Variants in CNTLN observed in about 807,000 individuals in gnomAD.
CNTLN encodes centlein, centrosomal protein.
In CNTLN, 212 loss-of-function variants were observed where a neutral mutation model predicts 180.0. That is an observed-to-expected ratio of 1.18 (90% CI 1.05 to 1.32). The LOEUF (loss-of-function observed/expected upper bound fraction) is 1.32, where lower values mean the gene tolerates loss of function less well. CNTLN is among the 40% of genes most tolerant of loss of function. The pLI, the probability that CNTLN is intolerant of heterozygous loss-of-function variation, is 0.00. For missense variants in CNTLN, 2,095 were observed against 1,610.9 expected (o/e 1.30, Z -5.14); for synonymous variants, 722 against 563.1 (o/e 1.28, Z -3.99).
chr9:17,367,177 G>A (rs1229592380), intron 13 of CNTLN, among the ~76,000 whole-genome samples: 3 of 152,190 alleles, frequency 2.0e-5, no homozygotes, highest in Non-Finnish European at 2.9e-5. Context: ...AGAGAGAATT[G>A]TGCACTTAGG....
intron 23 of CNTLN, among the ~76,000 whole-genome samples, chr9:17,474,289 T>C (rs988030825): frequency 6.6e-6 from 1 of 152,202 alleles, no homozygotes; most frequent in Non-Finnish European, 1.5e-5. Flanking sequence ...TTATTTTGCT[T>C]CTCCTAGCTT....
At chr9:17,355,791 G>A (rs543707331) in intron 12 of CNTLN, among the ~76,000 whole-genome samples, 2 of 152,108 alleles carry the variant, frequency 1.3e-5, no homozygotes, top group African/African-American at 4.8e-5. Context: ...CAGGCTGGGC[G>A]CAGTGGCTCA....
the CNTLN span, among the ~76,000 whole-genome samples, chr9:17,517,781 T>A: frequency 1.3e-5 from 2 of 152,120 alleles, no homozygotes; most frequent in African/African-American, 4.8e-5. Flanking sequence ...TTTCTGTTGC[T>A]TTAAGTCATT....
chr9:17,486,986 C>A lies in CNTLN; in HGVS notation c.4042-3C>A. ...CACCAGTGTTTTTATTTTTTTTCTT[C>A]AGGAAATTGAAAAAACAAAAATTGA... On this transcript the variant is annotated splice_polypyrimidine_tract_variant and splice_region_variant and intron_variant, in intron 24 of 25. Transcript: ENST00000380647. The A allele has an allele frequency of 6.5e-7, 1 of 1,544,380 alleles. No homozygotes were observed. The highest frequency in any genetic ancestry group is 8.8e-7 in the Non-Finnish European group (1 of 1,139,890).
At position 17,340,833 on chromosome 9, in the gene CNTLN, G is replaced by A; in HGVS notation, c.1651G>A (p.Glu551Lys). The A allele has an allele frequency of 6.2e-7, 1 of 1,609,646 alleles. No individual in the cohort carries two copies. Among genetic ancestry groups the A allele is most frequent in the African/African-American group, 1.3e-5 (1 of 74,792 alleles). ...GCTTTTTTGTGTTCTACAGAGCCAA[G>A]AAAATGATGAGCTAAGAGATGCCCA... ...LEKALQLKSQENDELRDAHEK... is the reference protein window; with the variant it reads ...LEKALQLKSQKNDELRDAHEK... The change falls in exon 11 of 26, where the codon GAA becomes AAA. Residue 551 changes from glutamate to lysine, a missense_variant. Glu to Lys is a moderately conservative substitution (Grantham distance 56). Coordinates refer to ENST00000380647, the MANE Select transcript of CNTLN (RefSeq NM_017738.4).
At chr9:17,425,612 G>A (rs541765637) in intron 18 of CNTLN, among the ~76,000 whole-genome samples, 22 of 152,182 alleles carry the variant, frequency 1.4e-4, no homozygotes, top group Admixed American at 2.6e-4. Context: ...TTGGGTAATA[G>A]CTAGAAGATT....
At chr9:17,492,199 G>T (rs1833202626) in intron 25 of CNTLN, among the ~76,000 whole-genome samples, 1 of 151,718 alleles carries the variant, frequency 6.6e-6, no homozygotes, top group East Asian at 1.9e-4. Context: ...ACAGTTAAAA[G>T]GATCCTTTTA....
intron 1 of CNTLN, among the ~76,000 whole-genome samples, chr9:17,141,132 A>G (rs1327633932): frequency 6.6e-6 from 1 of 152,218 alleles, no homozygotes; most frequent in Non-Finnish European, 1.5e-5. Context: ...TAGTCATATA[A>G]CCCATAAGGC....
intron 2 of CNTLN, among the ~76,000 whole-genome samples, chr9:17,198,418 T>A (rs1406480819): frequency 6.7e-6 from 1 of 148,634 alleles, no homozygotes; most frequent in African/African-American, 2.5e-5. Context: ...TTTTCTTCAG[T>A]TTCTTTAATC....
At chr9:17,391,020 A>G (rs996393061) in intron 14 of CNTLN, among the ~76,000 whole-genome samples, 2 of 152,218 alleles carry the variant, frequency 1.3e-5, no homozygotes, top group East Asian at 1.9e-4. Context: ...CGAGAAATAC[A>G]TAACATTTAT....
At chr9:17,316,404 A>G (rs192656589) in intron 8 of CNTLN, among the ~76,000 whole-genome samples, 2 of 152,178 alleles carry the variant, frequency 1.3e-5, no homozygotes, top group Non-Finnish European at 2.9e-5. Context: ...AATTCCACCT[A>G]TAATTTGAGG....
At chr9:17,354,959 G>A (rs1226194741) in intron 12 of CNTLN, among the ~76,000 whole-genome samples, 2 of 151,728 alleles carry the variant, frequency 1.3e-5, no homozygotes, top group Admixed American at 6.6e-5. Context: ...CTCCAGACAC[G>A]CTGTGTTGAG....
chr9:17,364,438 A>C (rs1210143780), intron 12 of CNTLN, among the ~76,000 whole-genome samples: 1 of 151,504 alleles, frequency 6.6e-6, no homozygotes, highest in Non-Finnish European at 1.5e-5. Flanking sequence ...TCATTGCTTT[A>C]TTTCATATTT....
At chr9:17,251,163 A>C (rs1587339358) in intron 5 of CNTLN, among the ~76,000 whole-genome samples, 1 of 152,108 alleles carries the variant, frequency 6.6e-6, no homozygotes, top group Middle Eastern at 3.4e-3. Context: ...CTTTCTTGCT[A>C]CTTTGAAGAT....
rs12348556 is a variant in CNTLN at position 17,443,484 on chromosome 9, G to T, written c.3115-14040G>T. On this transcript the variant is annotated intron_variant, in intron 18 of 25. Coordinates refer to ENST00000380647, the MANE Select transcript of CNTLN (RefSeq NM_017738.4). ...AAATGTGAAATAGTGTCTTTAAATT[G>T]CTATATGGTTGAGGAGTCTATATGT... Among the ~76,000 whole-genome samples, 1,242 of 152,194 alleles carry T rather than the reference G, an allele frequency of 8.2e-3. 13 individuals carry two copies. The highest frequency in any genetic ancestry group is 0.027 in the African/African-American group (1,141 of 41,536).
In CNTLN at chr9:17,212,230, C is replaced by T. The variant is rs1823374118; in HGVS notation, c.450-13973C>T. On this transcript the variant is annotated intron_variant, in intron 2 of 25. Transcript: ENST00000380647. ...TCTTATTATTTTGAGATACGTCCCA[C>T]CAATACCTAATTTATTGAGAGTTTT... 2.0e-5 allele frequency among the ~76,000 whole-genome samples: 3 copies of T among 152,018 alleles called. 1 individual carries two copies. The highest frequency in any genetic ancestry group is 2.0e-4 in the Admixed American group (3 of 15,246).
the CNTLN span, among the ~76,000 whole-genome samples, chr9:17,513,625 A>T: frequency 1.3e-5 from 2 of 152,154 alleles, no homozygotes; most frequent in African/African-American, 2.4e-5. Flanking sequence ...TGAACCCAGG[A>T]GGTTGAGGCT....
intron 7 of CNTLN, among the ~76,000 whole-genome samples, chr9:17,306,324 T>G (rs765465442): frequency 4.6e-5 from 7 of 151,988 alleles, no homozygotes; most frequent in Non-Finnish European, 8.8e-5. Flanking sequence ...TAATTTTGTA[T>G]TTTTAGTAGA....
At chr9:17,141,661 A>G (rs1818105502) in intron 1 of CNTLN, among the ~76,000 whole-genome samples, 1 of 152,208 alleles carries the variant, frequency 6.6e-6, no homozygotes, top group South Asian at 2.1e-4. Context: ...TAGCTGGGCA[A>G]GAGACGGAAT....
Sources: gnomAD v4.1 joint callset for allele counts (sites outside exome capture counted in the v4.1 genomes callset) on GRCh38, gnomAD v4.1.1 for gene constraint, MANE v1.5 for transcripts, NCBI Gene and HGNC (gene_info 2026-07-23, HGNC 2026-07-21) for gene names.